Variants in ZMYM2 observed in about 807,000 individuals in gnomAD.
The protein encoded by ZMYM2 is zinc finger MYM-type containing 2.
In ZMYM2, 56 loss-of-function variants were observed where a neutral mutation model predicts 162.8. The observed-to-expected ratio is 0.34, with a 90% CI of 0.28 to 0.43. ZMYM2 has a LOEUF of 0.43. ZMYM2 is among the 20% of genes least tolerant of loss of function. The pLI, the probability that ZMYM2 is intolerant of heterozygous loss-of-function variation, is 1.00. For synonymous variants in ZMYM2, 510 were observed against 541.6 expected (o/e 0.94, Z 0.81); for missense variants, 1,275 against 1,621.8 (o/e 0.79, Z 3.67).
rs570651983 is a variant in ZMYM2, at chr13:20,055,797, AT to A, written c.2494-2766del. ...TTACGGATTCATGAGATTATGACCA[AT>A]TTTTTTTTTTTAAAGCATACTGAAC... On this transcript the variant is annotated intron_variant, in intron 14 of 24. Transcript: ENST00000610343. 1.8e-3 allele frequency among the ~76,000 whole-genome samples: 273 copies of A among 148,422 alleles called. 2 individuals are homozygous for A. The highest frequency in any genetic ancestry group is 4.8e-3 in the African/African-American group (195 of 40,826).
the ZMYM2 span, among the ~76,000 whole-genome samples, chr13:19,949,982 G>A: frequency 6.6e-6 from 1 of 151,282 alleles, no homozygotes; most frequent in African/African-American, 2.4e-5. Flanking sequence ...AAGAAAGGAA[G>A]AAAAAGAAAG....
Position 20,019,619 on chromosome 13 carries a change from G to A in ZMYM2, c.1584+1G>A, listed in dbSNP as rs1481615913. ...GGACTCTTTCTTAATGCAGCCTGAG[G>A]TAAGCAGGAATGTAAATGGAGTTCA... On this transcript the variant is annotated splice_donor_variant, in intron 7 of 24. Coordinates refer to ENST00000610343, the MANE Select transcript of ZMYM2 (RefSeq NM_197968.4). LOFTEE classifies it high-confidence loss of function. The A allele has an allele frequency of 2.5e-6, 4 of 1,590,118 alleles. No individual in the cohort carries two copies. In the South Asian group the frequency reaches 4.6e-5, roughly 18 times the overall value.
At chr13:20,030,447 G>A (rs200382594) in intron 9 of ZMYM2, among the ~76,000 whole-genome samples, 3 of 136,878 alleles carry the variant, frequency 2.2e-5, no homozygotes, top group African/African-American at 2.7e-5. Context: ...CGCCCAGGCT[G>A]GAGTGCAGTG....
At chr13:19,987,332 C>T (rs1191609025) in intron 2 of ZMYM2, among the ~76,000 whole-genome samples, 6 of 151,814 alleles carry the variant, frequency 4.0e-5, no homozygotes, top group African/African-American at 7.2e-5. Context: ...GGCGCAATCT[C>T]GGCTCACGGC....
At chr13:19,925,560 C>T in the ZMYM2 span, among the ~76,000 whole-genome samples, 6,838 of 151,936 alleles carry the variant, frequency 0.045, 179 homozygotes, top group South Asian at 0.091. Context: ...ATATTCTTCT[C>T]GTCCCATTTT....
rs1022652525 is a variant in ZMYM2 at position 20,060,972 on chromosome 13, C to A, written c.2740-81C>A. The A allele has an allele frequency of 1.7e-5, 23 of 1,328,326 alleles. 2 individuals carry two copies. The Admixed American group carries it at 2.7e-4, about 16-fold the overall frequency. 82.3% of individuals were successfully genotyped at this position (1,328,326 alleles called of 1,614,324 possible). On this transcript the variant is annotated intron_variant, in intron 16 of 24. Coordinates refer to ENST00000610343, the MANE Select transcript of ZMYM2 (RefSeq NM_197968.4). Reference sequence around the variant, plus strand: ...TCCAGTGTGATATTACAAAGTAGATCATGTGTCAGAGTAATTTTTAATTTG... The same window carrying A: ...TCCAGTGTGATATTACAAAGTAGATAATGTGTCAGAGTAATTTTTAATTTG...
chr13:19,982,123 T>A (rs373380871), intron 2 of ZMYM2, among the ~76,000 whole-genome samples: 1 of 152,140 alleles, frequency 6.6e-6, no homozygotes, highest in East Asian at 1.9e-4. Flanking sequence ...TCAACTGAAA[T>A]AAAGAGCTTG....
chr13:19,927,936 C>T, the ZMYM2 span, among the ~76,000 whole-genome samples: 2 of 151,984 alleles, frequency 1.3e-5, no homozygotes, highest in African/African-American at 4.8e-5. Flanking sequence ...TATTTATTGG[C>T]CATCTTCATG....
the ZMYM2 span, among the ~76,000 whole-genome samples, chr13:19,890,923 G>C: frequency 6.6e-6 from 1 of 151,818 alleles, no homozygotes; most frequent in African/African-American, 2.4e-5. Flanking sequence ...TAGGCTGAAG[G>C]TCTTCTGGTT....
At chr13:19,892,933 TTGA>T in the ZMYM2 span, among the ~76,000 whole-genome samples, 1 of 151,364 alleles carries the variant, frequency 6.6e-6, no homozygotes, top group Non-Finnish European at 1.5e-5. Flanking sequence ...CAGGCTGGTC[TTGA>T]ACTCATGACC....
intron 6 of ZMYM2, among the ~76,000 whole-genome samples, chr13:20,019,333 C>T (rs1431453404): frequency 6.6e-6 from 1 of 152,098 alleles, no homozygotes; most frequent in Non-Finnish European, 1.5e-5. Flanking sequence ...GTTTTATCAT[C>T]ATACCATTTT....
the ZMYM2 span, among the ~76,000 whole-genome samples, chr13:19,933,328 T>C: frequency 3.3e-5 from 5 of 152,336 alleles, no homozygotes; most frequent in Non-Finnish European, 5.9e-5. Context: ...TTTCTCCTTA[T>C]AGTACTATCA....
intron 17 of ZMYM2, among the ~76,000 whole-genome samples, chr13:20,061,986 C>A (rs259789): frequency 6.6e-6 from 1 of 152,114 alleles, no homozygotes; most frequent in South Asian, 2.1e-4. Context: ...CATGGTATAA[C>A]GTGATGAGTG....
At chr13:20,074,246 C>T (rs200195430) in intron 21 of ZMYM2, among the ~76,000 whole-genome samples, 2 of 132,352 alleles carry the variant, frequency 1.5e-5, no homozygotes, top group South Asian at 4.7e-4. Context: ...GTGAGAGAGA[C>T]AGAGAGACAG....
At chr13:19,985,942 T>C (rs1285693259) in intron 2 of ZMYM2, among the ~76,000 whole-genome samples, 1 of 151,966 alleles carries the variant, frequency 6.6e-6, no homozygotes, top group Non-Finnish European at 1.5e-5. Flanking sequence ...TCCCAGCTAC[T>C]CAGGAGGTTG....
In ZMYM2 at chr13:20,062,880, C is replaced by G; in HGVS notation, c.2946C>G (p.Asp982Glu). Residue 982 changes from aspartate to glutamate, a missense_variant, in exon 18 of 25, where the codon GAC becomes GAG. This residue lies in a region of ZMYM2 where 229 missense variants were observed against 283.8 expected (regional missense o/e 0.81). Coordinates refer to ENST00000610343, the MANE Select transcript of ZMYM2 (RefSeq NM_197968.4). ...TTGAAACAGATATAATTGGTTCAGA[C>G]CTTTTGAAGAACTCTGACCCAGAGA... ...VIIETDIIGS[D>E]LLKNSDPETQ... 6.3e-7 allele frequency: 1 copy of G among 1,591,092 alleles called. No homozygotes were observed. Among genetic ancestry groups the G allele is most frequent in the South Asian group, 1.1e-5 (1 of 87,992 alleles).
Position 20,086,126 on chromosome 13 carries a change from C to CGTGGGTACACTGCTACAAA in ZMYM2, c.*112_*113insGTGGGTACACTGCTACAAA. On this transcript the variant is annotated 3_prime_UTR_variant, in exon 25 of 25. Coordinates refer to ENST00000610343, the MANE Select transcript of ZMYM2 (RefSeq NM_197968.4). The stretch of plus-strand genomic sequence containing the variant: ...ACTCCTTCTGTTTTGAGTTTTGTAG[C>CGTGGGTACACTGCTACAAA]AGTGTACCCACGCTGGGTATTACCA... 2.8e-6 allele frequency: 3 copies of CGTGGGTACACTGCTACAAA among 1,082,126 alleles called. No individual in the cohort carries two copies. Among genetic ancestry groups the CGTGGGTACACTGCTACAAA allele is most frequent in the Non-Finnish European group, 3.9e-6 (3 of 768,962 alleles). The allele number at this position is 1,082,126 out of a possible 1,614,324, so 67.0% of individuals were successfully genotyped here. A position where few individuals can be genotyped will look rare whatever the true frequency, so the allele number is the denominator to read the frequency against.
chr13:19,922,354 T>C, the ZMYM2 span, among the ~76,000 whole-genome samples: 2 of 152,288 alleles, frequency 1.3e-5, no homozygotes, highest in East Asian at 1.9e-4. Context: ...GTGAGAGTTA[T>C]AGTGTCCTGC....
chr13:19,900,103 C>T, the ZMYM2 span, among the ~76,000 whole-genome samples: 5 of 151,950 alleles, frequency 3.3e-5, no homozygotes, highest in Admixed American at 3.3e-4. Flanking sequence ...GCCAGGAGTT[C>T]GAGACCAGCC....
Sources: gnomAD v4.1 joint callset for allele counts (sites outside exome capture counted in the v4.1 genomes callset) on GRCh38, gnomAD v4.1.1 for gene constraint, gnomAD v4.1.1 regional missense constraint, MANE v1.5 for transcripts, NCBI Gene and HGNC (gene_info 2026-07-23, HGNC 2026-07-21) for gene names.